SPECC1L: variants seen among roughly 807,000 people sequenced by gnomAD.
SPECC1L encodes the protein sperm antigen with calponin homology and coiled-coil domains 1 like.
In SPECC1L, 40 loss-of-function variants were observed where a neutral mutation model predicts 116.8. The ratio of observed to expected loss-of-function variants is 0.34; its 90% CI spans 0.27 to 0.45. The LOEUF (loss-of-function observed/expected upper bound fraction) is 0.45, where lower values mean the gene tolerates loss of function less well. Among genes scored for constraint, SPECC1L ranks in the 20% least tolerant of loss-of-function variants. The pLI is 1.00. For missense variants in SPECC1L, 1,110 were observed against 1,373.6 expected (o/e 0.81, Z 3.03); for synonymous variants, 504 against 500.6 (o/e 1.01, Z -0.09).
intron 3 of SPECC1L, among the ~76,000 whole-genome samples, chr22:24,306,411 C>T (rs149265791): frequency 2.2e-4 from 32 of 148,356 alleles, no homozygotes; most frequent in Non-Finnish European, 4.1e-4. Context: ...GAGTCTTACT[C>T]TGTTGCCTGC....
At position 24,415,492 on chromosome 22, in the gene SPECC1L, G is replaced by A. The variant is rs901541108; in HGVS notation, c.*869G>A. The A allele has an allele frequency of 4.6e-5, 7 of 152,602 alleles. No individual in the cohort carries two copies. Among genetic ancestry groups the A allele is most frequent in the African/African-American group, 1.7e-4 (7 of 41,452 alleles). 9.5% of individuals were successfully genotyped at this position (152,602 alleles called of 1,614,324 possible). On this transcript the variant is annotated 3_prime_UTR_variant, in exon 17 of 17. Transcript: ENST00000314328. ...GTTCTGTTAGTACCAAAGTTACATT[G>A]TTTCAATAAGCATAGAAATCTAAAC...
chr22:24,302,192 C>T lies in SPECC1L; in HGVS notation c.-37-3C>T. The T allele has an allele frequency of 6.2e-7, 1 of 1,611,730 alleles. No individual in the cohort carries two copies. Among genetic ancestry groups the T allele is most frequent in the East Asian group, 2.2e-5 (1 of 44,846 alleles). Reference sequence around the variant, plus strand: ...TCAGTGTAATGCCATTTTTTTCCCACAGATTTGCTTGTAAATGCATCACGA... The same window carrying T: ...TCAGTGTAATGCCATTTTTTTCCCATAGATTTGCTTGTAAATGCATCACGA... On this transcript the variant is annotated splice_region_variant and splice_polypyrimidine_tract_variant and intron_variant, in intron 2 of 16. Coordinates refer to ENST00000314328, the MANE Select transcript of SPECC1L (RefSeq NM_015330.6).
At chr22:24,409,141 A>G (rs934298187) in intron 14 of SPECC1L, among the ~76,000 whole-genome samples, 2 of 152,260 alleles carry the variant, frequency 1.3e-5, no homozygotes, top group African/African-American at 4.8e-5. Flanking sequence ...GTACAGATAT[A>G]GTTAATAATA....
At chr22:24,386,116 C>CAA (rs34355662) in intron 14 of SPECC1L, among the ~76,000 whole-genome samples, 6 of 135,436 alleles carry the variant, frequency 4.4e-5, no homozygotes, top group African/African-American at 1.1e-4. Context: ...TTATTAGTTT[C>CAA]AAAAAAAAAA....
At chr22:24,394,730 GTGCTGTTTCC>G (rs2042335472) in intron 14 of SPECC1L, among the ~76,000 whole-genome samples, 1 of 152,232 alleles carries the variant, frequency 6.6e-6, no homozygotes, top group South Asian at 2.1e-4. Context: ...GGAACGTGTA[GTGCTGTTTCC>G]TGGTTTTAAT....
At chr22:24,363,380 T>G in intron 12 of SPECC1L, 36 bp downstream of exon 12, 1 of 1,568,618 alleles carries the variant, frequency 6.4e-7, no homozygotes, top group Non-Finnish European at 8.8e-7. Flanking sequence ...TTGTATTTGT[T>G]GTTTTTTAGA....
At chr22:24,276,084 G>A (rs2048831003) in intron 1 of SPECC1L, among the ~76,000 whole-genome samples, 1 of 152,054 alleles carries the variant, frequency 6.6e-6, no homozygotes, top group Non-Finnish European at 1.5e-5. Context: ...TAGGAAAGAA[G>A]TATGCAAAGA....
At position 24,365,593 on chromosome 22, in the gene SPECC1L, C is replaced by G; in HGVS notation, c.2945C>G (p.Pro982Arg). The G allele has an allele frequency of 6.2e-7, 1 of 1,614,168 alleles. No individual in the cohort carries two copies. The change falls in exon 13 of 17, where the codon CCA becomes CGA. Residue 982 changes from proline to arginine, a missense_variant. Physicochemically the swap from Pro to Arg is moderately radical, Grantham distance 103. Coordinates refer to ENST00000314328, the MANE Select transcript of SPECC1L (RefSeq NM_015330.6). The stretch of plus-strand genomic sequence containing the variant: ...CCACAGCTTTCCCTGTCCTCTTCTC[C>G]AACGGCATCTGTGACTCCCACCACC... ...TSPQLSLSSS[P>R]TASVTPTTRS...
chr22:24,305,023 G>A (rs1210699114), intron 3 of SPECC1L, among the ~76,000 whole-genome samples: 1 of 152,284 alleles, frequency 6.6e-6, no homozygotes, highest in South Asian at 2.1e-4. Flanking sequence ...CTGATGGGGG[G>A]TGTTTATGTG....
intron 13 of SPECC1L, among the ~76,000 whole-genome samples, chr22:24,366,835 A>G (rs1160797990): frequency 6.6e-6 from 1 of 152,206 alleles, no homozygotes; most frequent in Non-Finnish European, 1.5e-5. Context: ...GGAAAAACAG[A>G]TGTCAAAAAT....
chr22:24,319,713 T>C (rs1156683597), intron 4 of SPECC1L, among the ~76,000 whole-genome samples: 2 of 152,282 alleles, frequency 1.3e-5, no homozygotes, highest in East Asian at 3.9e-4. Context: ...TTCCTTTCGT[T>C]GTCTGTCTTT....
rs537252041 is a variant in SPECC1L at position 24,415,257 on chromosome 22, C to G, written c.*634C>G. ...ATCTAGAGGGCGTGGTGCGGGCACG[C>G]CAGGGCTGGGGTGCTGCTGCTGCAC... is the stretch of plus-strand genomic sequence containing the variant. On this transcript the variant is annotated 3_prime_UTR_variant, in exon 17 of 17. Coordinates refer to ENST00000314328, the MANE Select transcript of SPECC1L (RefSeq NM_015330.6). 10 of 155,478 alleles carry G rather than the reference C, an allele frequency of 6.4e-5. No individual in the cohort carries two copies. The highest frequency in any genetic ancestry group is 2.2e-4 in the African/African-American group (9 of 41,580). 9.6% of individuals were successfully genotyped at this position (155,478 alleles called of 1,614,324 possible). A position where few individuals can be genotyped will look rare whatever the true frequency, so the allele number is the denominator to read the frequency against.
chr22:24,339,987 G>A (rs961595429), intron 10 of SPECC1L, among the ~76,000 whole-genome samples: 3 of 151,922 alleles, frequency 2.0e-5, no homozygotes, highest in South Asian at 2.1e-4. Flanking sequence ...GTTCTGCCAC[G>A]TTGCCCAGGC....
At chr22:24,350,109 A>G (rs932531410) in intron 11 of SPECC1L, among the ~76,000 whole-genome samples, 2 of 149,792 alleles carry the variant, frequency 1.3e-5, no homozygotes, top group East Asian at 1.9e-4. Flanking sequence ...ACACCTTGCA[A>G]CTGGCACTTT....
chr22:24,307,478 C>T (rs2049523590), intron 3 of SPECC1L, among the ~76,000 whole-genome samples: 1 of 152,106 alleles, frequency 6.6e-6, no homozygotes, highest in Non-Finnish European at 1.5e-5. Context: ...CTCCCCTCCC[C>T]TCCACTTCAT....
intron 2 of SPECC1L, among the ~76,000 whole-genome samples, chr22:24,294,742 TG>T (rs1309536861): frequency 6.6e-6 from 1 of 152,122 alleles, no homozygotes; most frequent in Non-Finnish European, 1.5e-5. Flanking sequence ...CCCAGAGAAT[TG>T]GTGCTTGGCT....
intron 2 of SPECC1L, among the ~76,000 whole-genome samples, chr22:24,280,142 AC>A (rs2048914087): frequency 1.3e-5 from 2 of 152,076 alleles, no homozygotes; most frequent in Admixed American, 1.3e-4. Flanking sequence ...TAGCCTGCCA[AC>A]CTGCTTTGAG....
intron 2 of SPECC1L, among the ~76,000 whole-genome samples, chr22:24,298,165 G>A (rs1310814915): frequency 2.0e-5 from 3 of 151,946 alleles, no homozygotes; most frequent in Admixed American, 1.3e-4. Flanking sequence ...TATAAAATAG[G>A]CTTCATGTTA....
intron 14 of SPECC1L, 46 bp from the exon 15 acceptor site, chr22:24,411,542 G>A: frequency 6.4e-7 from 1 of 1,557,610 alleles, no homozygotes; most frequent in Non-Finnish European, 8.9e-7. Context: ...TCTCCTAAGA[G>A]GGTCCCAGCA....
Sources: allele counts gnomAD v4.1 joint callset (sites outside exome capture counted in the v4.1 genomes callset), GRCh38; gene constraint gnomAD v4.1.1; transcripts MANE v1.5; gene names NCBI Gene and HGNC (gene_info 2026-07-23, HGNC 2026-07-21).